AKR1C2: variants seen among roughly 807,000 people sequenced by gnomAD.
The protein encoded by AKR1C2 is aldo-keto reductase family 1 member C2, also known as 3-alpha-HSD3.
In AKR1C2, 27 loss-of-function variants were observed where a neutral mutation model predicts 39.8. The ratio of observed to expected loss-of-function variants is 0.68; its 90% CI spans 0.50 to 0.93. AKR1C2 has a LOEUF of 0.93. AKR1C2 is among the 40% of genes least tolerant of loss of function. The pLI is 0.00. For synonymous variants in AKR1C2, 114 were observed against 137.9 expected, an observed-to-expected ratio of 0.83 and a Z score of 1.22; for missense variants, 263 against 365.1, an observed-to-expected ratio of 0.72 and a Z score of 2.28.
intron 1 of AKR1C2, among the ~76,000 whole-genome samples, chr10:5,012,921 G>A (rs1376554348): frequency 6.6e-6 from 1 of 151,986 alleles, no homozygotes; most frequent in African/African-American, 2.4e-5. Flanking sequence ...TTTCTTCAGG[G>A]ACTTCTCAAT....
At chr10:5,016,642 T>C (rs1327511930) in intron 1 of AKR1C2, among the ~76,000 whole-genome samples, 1 of 152,168 alleles carries the variant, frequency 6.6e-6, no homozygotes, top group Non-Finnish European at 1.5e-5. Context: ...GAGCTTTCAG[T>C]GGATATACCA....
upstream of AKR1C2, among the ~76,000 whole-genome samples, chr10:5,007,210 C>T (rs543592959): frequency 1.5e-4 from 22 of 143,970 alleles, no homozygotes; most frequent in African/African-American, 3.5e-4. Context: ...TAGACAGCAA[C>T]GTGAAGTCAT....
upstream of AKR1C2, among the ~76,000 whole-genome samples, chr10:5,007,092 G>T (rs4620617): frequency 1.4e-5 from 2 of 142,736 alleles, no homozygotes; most frequent in African/African-American, 2.6e-5. Context: ...TTAAAAATTA[G>T]AAAGTTAGTA....
intron 1 of AKR1C2, among the ~76,000 whole-genome samples, chr10:5,009,053 C>A (rs1837466239): frequency 6.6e-6 from 1 of 151,976 alleles, no homozygotes; most frequent in Non-Finnish European, 1.5e-5. Context: ...AAAAGCCGTG[C>A]AGGAGGAAAA....
intron 3 of AKR1C2, chr10:5,000,230 T>C: frequency 2.1e-6 from 3 of 1,439,750 alleles, no homozygotes; most frequent in Non-Finnish European, 2.7e-6. Flanking sequence ...TCTGTGTCTG[T>C]GAACATCCCA....
intron 2 of AKR1C2, among the ~76,000 whole-genome samples, chr10:5,001,007 C>A (rs538972116): frequency 2.0e-4 from 30 of 152,296 alleles, no homozygotes; most frequent in African/African-American, 7.2e-4. Flanking sequence ...GCCCAATGGG[C>A]AAGACTAAGT....
intron 5 of AKR1C2, among the ~76,000 whole-genome samples, chr10:4,996,969 TCATGGGAATATGA>T (rs1554773168): frequency 2.6e-5 from 4 of 152,110 alleles, no homozygotes; most frequent in African/African-American, 9.7e-5. Context: ...TGAAAATTTG[TCATGGGAATATGA>T]CTTCTTCTGT....
intron 1 of AKR1C2, among the ~76,000 whole-genome samples, chr10:5,016,398 A>C (rs1554775354): frequency 6.6e-6 from 1 of 152,242 alleles, no homozygotes; most frequent in Non-Finnish European, 1.5e-5. Flanking sequence ...TGGCCCAAAC[A>C]AAGGGGCTAC....
At position 4,988,126 on chromosome 10, in the gene AKR1C2, G is replaced by A. The variant is rs1362303902; in HGVS notation, c.*1870C>T. Reference sequence around the variant, plus strand: ...ATGATTATTTCACATCTTGAAAAAAGAGTTACACGTGCTATAGAGATTTGA... The same window carrying A: ...ATGATTATTTCACATCTTGAAAAAAAAGTTACACGTGCTATAGAGATTTGA... On this transcript the variant is annotated 3_prime_UTR_variant, in exon 9 of 9. Transcript: ENST00000380753. 1 of 152,092 alleles carries A rather than the reference G, an allele frequency of 6.6e-6. No individual in the cohort carries two copies. Among genetic ancestry groups the A allele is most frequent in the Non-Finnish European group, 1.5e-5 (1 of 68,010 alleles). 9.4% of individuals were successfully genotyped at this position (152,092 alleles called of 1,614,324 possible).
At chr10:4,990,185 A>C in intron 8 of AKR1C2, 147 bp from the exon 9 acceptor site, 1 of 941,212 alleles carries the variant, frequency 1.1e-6, no homozygotes, top group Non-Finnish European at 1.6e-6. Context: ...TCTTTGTTTA[A>C]TGAACGTGAC....
intron 1 of AKR1C2, among the ~76,000 whole-genome samples, chr10:5,011,769 C>T (rs1202892799): frequency 6.6e-6 from 1 of 152,190 alleles, no homozygotes; most frequent in Non-Finnish European, 1.5e-5. Context: ...AGAGGAAACA[C>T]GAGAGACCCA....
At chr10:5,000,434 C>G (rs782418671) in intron 3 of AKR1C2, 116 bp downstream of exon 3, 1 of 1,595,626 alleles carries the variant, frequency 6.3e-7, no homozygotes, top group Non-Finnish European at 8.5e-7. Flanking sequence ...TAGGGCTCTT[C>G]TTCCATGTTA....
Position 5,001,649 on chromosome 10 carries a change from T to C in AKR1C2, c.117A>G (p.Lys39=), listed in dbSNP as rs782553486. 17 of 1,613,862 alleles carry C rather than the reference T, an allele frequency of 1.1e-5. No homozygotes were observed. In the Admixed American group the frequency reaches 2.8e-4, roughly 27 times the overall value. The change falls in exon 2 of 9, where the codon AAA becomes AAG. Residue 39 remains lysine, a synonymous_variant. Coordinates refer to ENST00000380753, the MANE Select transcript of AKR1C2 (RefSeq NM_001393392.1). ...VPKSKALEAV[K]LAIEAGFHHI... is the part of the protein sequence containing the mutation. ...GGTGGAACCCGGCTTCTATTGCCAA[T>C]TTGACGGCCTCTAGAGCTTTACTTT...
Position 5,001,656 on chromosome 10 carries a change from G to A in AKR1C2, c.110C>T (p.Ala37Val), listed in dbSNP as rs547435513. 5.0e-6 allele frequency: 8 copies of A among 1,613,798 alleles called. No individual in the cohort carries two copies. In the East Asian group the frequency reaches 1.6e-4, roughly 31 times the overall value. Reference sequence around the variant, plus strand: ...CCCGGCTTCTATTGCCAATTTGACGGCCTCTAGAGCTTTACTTTTAGGAAC... The same window carrying A: ...CCCGGCTTCTATTGCCAATTTGACGACCTCTAGAGCTTTACTTTTAGGAAC... ...AEVPKSKALE[A>V]VKLAIEAGFH... Residue 37 changes from alanine (A) to valine (V), a missense_variant, in exon 2 of 9, where the codon GCC (alanine) becomes GTC (valine). Coordinates refer to ENST00000380753, the MANE Select transcript of AKR1C2 (RefSeq NM_001393392.1).
At chr10:5,001,746 C>G in intron 1 of AKR1C2, 65 bp from the exon 2 acceptor site, 5 of 1,599,730 alleles carry the variant, frequency 3.1e-6, no homozygotes, top group Non-Finnish European at 4.3e-6. Context: ...CGGGCACAAG[C>G]AGCAACGTTC....
intron 2 of AKR1C2, among the ~76,000 whole-genome samples, chr10:5,001,227 A>G (rs1837260924): frequency 6.6e-6 from 1 of 152,216 alleles, no homozygotes; most frequent in Admixed American, 6.5e-5. Context: ...AGATAACATA[A>G]TATGATTAAG....
chr10:4,998,806 G>C, intron 4 of AKR1C2, 59 bp from the exon 5 acceptor site: 2 of 1,606,534 alleles, frequency 1.2e-6, no homozygotes, highest in South Asian at 1.1e-5. Flanking sequence ...CAAGATAAAT[G>C]TAACATAGAA....
At chr10:4,992,688 C>T (rs576158826) in intron 7 of AKR1C2, among the ~76,000 whole-genome samples, 12 of 147,588 alleles carry the variant, frequency 8.1e-5, no homozygotes, top group South Asian at 2.1e-4. Flanking sequence ...CGTTGGCTCA[C>T]GCCTATAATC....
intron 1 of AKR1C2, chr10:5,015,196 T>C (rs1588313216): frequency 6.6e-6 from 1 of 152,214 alleles, no homozygotes; most frequent in African/African-American, 2.4e-5. Flanking sequence ...AGTGGCAGGG[T>C]CTAAGGCTCC....
Sources: allele counts gnomAD v4.1 joint callset (sites outside exome capture counted in the v4.1 genomes callset), GRCh38; gene constraint gnomAD v4.1.1; transcripts MANE v1.5; gene names NCBI Gene and HGNC (gene_info 2026-07-23, HGNC 2026-07-21).